ZNF236: variants seen among roughly 807,000 people sequenced by gnomAD.
ZNF236 encodes the protein regulated by glucose.
In ZNF236, 50 loss-of-function variants were observed where a neutral mutation model predicts 191.2. The observed-to-expected ratio is 0.26, with a 90% CI of 0.21 to 0.33. The LOEUF (loss-of-function observed/expected upper bound fraction) is 0.33, where lower values mean the gene tolerates loss of function less well. Among genes scored for constraint, ZNF236 ranks in the 10% least tolerant of loss-of-function variants. The probability of loss-of-function intolerance (pLI) is 1.00; values close to 1 mark genes in which losing one functional copy is unlikely to be tolerated. For missense variants in ZNF236, 1,754 were observed against 2,374.5 expected (o/e 0.74, Z 5.43); for synonymous variants, 907 against 928.8 (o/e 0.98, Z 0.43).
intron 10 of ZNF236, among the ~76,000 whole-genome samples, chr18:76,898,459 T>A (rs1477243694): frequency 6.6e-6 from 1 of 152,232 alleles, no homozygotes; most frequent in Non-Finnish European, 1.5e-5. Flanking sequence ...GGAATTTACA[T>A]TTTCATTTGC....
chr18:76,856,383 A>G (rs1427500370), intron 3 of ZNF236, among the ~76,000 whole-genome samples: 1 of 152,084 alleles, frequency 6.6e-6, no homozygotes, highest in African/African-American at 2.4e-5. Context: ...GGGCTTTGCC[A>G]TGTTGGCCAG....
intron 19 of ZNF236, among the ~76,000 whole-genome samples, chr18:76,916,864 A>T (rs1364449844): frequency 6.6e-6 from 1 of 152,146 alleles, no homozygotes; most frequent in Non-Finnish European, 1.5e-5. Flanking sequence ...GGGGACTGTC[A>T]TCGGAGGTCA....
At chr18:76,823,680 G>A (rs1804400892) in intron 1 of ZNF236, among the ~76,000 whole-genome samples, 2 of 152,366 alleles carry the variant, frequency 1.3e-5, no homozygotes, top group South Asian at 4.1e-4. Context: ...CACACAACCG[G>A]GCACCCCCAG....
chr18:76,896,050 C>G (rs1390075510), intron 10 of ZNF236, among the ~76,000 whole-genome samples: 1 of 151,850 alleles, frequency 6.6e-6, no homozygotes, highest in Non-Finnish European at 1.5e-5. Flanking sequence ...GTACTAAACT[C>G]AGTATCAAGC....
At position 76,919,106 on chromosome 18, in the gene ZNF236, T is replaced by A. The variant is rs1008268709; in HGVS notation, c.3275-670T>A. 7.9e-5 allele frequency among the ~76,000 whole-genome samples: 12 copies of A among 152,224 alleles called. No individual in the cohort carries two copies. Among genetic ancestry groups the A allele is most frequent in the Non-Finnish European group, 1.6e-4 (11 of 68,034 alleles). ...AAAAAATCTGATGGTAATTCATTTT[T>A]TGCCCTTATTAATAAATGAATATCT... is the stretch of plus-strand genomic sequence containing the variant. On this transcript the variant is annotated intron_variant, in intron 19 of 30. Transcript: ENST00000320610. This position sits in a 1 kb window ranked among gnomAD's most constrained non-coding sequence, Gnocchi z 5.3.
chr18:76,907,831 A>G (rs1375202639), intron 13 of ZNF236, among the ~76,000 whole-genome samples: 1 of 151,466 alleles, frequency 6.6e-6, no homozygotes, highest in Non-Finnish European at 1.5e-5. Flanking sequence ...CAACATTTGG[A>G]TCGTTGGTCC....
chr18:76,863,566 T>A (rs967839480), intron 3 of ZNF236, among the ~76,000 whole-genome samples: 4 of 152,064 alleles, frequency 2.6e-5, no homozygotes, highest in Non-Finnish European at 5.9e-5. Flanking sequence ...AAGAAAAGAA[T>A]TGTCAATTAC....
intron 17 of ZNF236, 129 bp downstream of exon 17, chr18:76,912,476 A>G (rs1967243356): frequency 3.4e-6 from 2 of 594,384 alleles, no homozygotes; most frequent in African/African-American, 1.9e-5. Flanking sequence ...TTCCATTGTC[A>G]TCCATATTCT....
Position 76,856,339 on chromosome 18 carries a change from C to T in ZNF236, c.363+4400C>T, listed in dbSNP as rs538179189. On this transcript the variant is annotated intron_variant, in intron 3 of 30. Coordinates refer to ENST00000320610, the MANE Select transcript of ZNF236 (RefSeq NM_001306089.2). ...CTGGAATTGTAGGCACCTGCCACCA[C>T]GCCTGGCTCATTTTTGTATTTTTAG... 8.5e-5 allele frequency among the ~76,000 whole-genome samples: 13 copies of T among 152,250 alleles called. No homozygotes were observed. The South Asian group carries it at 2.5e-3, about 29-fold the overall frequency.
At chr18:76,911,810 G>T (rs79943860) in intron 16 of ZNF236, among the ~76,000 whole-genome samples, 2,401 of 152,302 alleles carry the variant, frequency 0.016, 30 homozygotes, top group Middle Eastern at 0.02. Context: ...TGGGGTCAGT[G>T]TGACTGCCCT....
At position 76,908,451 on chromosome 18, in the gene ZNF236, C is replaced by T. The variant is rs754057667; in HGVS notation, c.2429C>T (p.Thr810Met). The T allele has an allele frequency of 2.4e-5, 38 of 1,613,944 alleles. No individual in the cohort carries two copies. Among genetic ancestry groups the T allele is most frequent in the African/African-American group, 9.3e-5 (7 of 74,876 alleles). ...ATCGAGAGCGACGAGCTGCCGCAGA[C>T]GGCAGAGGTGGTCGCAGCGAACCCC... ...VEIESDELPQ[T>M]AEVVAANPEA... is the part of the protein sequence containing the mutation. Residue 810 changes from threonine (T) to methionine (M), a missense_variant, in exon 14 of 31, where the codon ACG (threonine) becomes ATG (methionine). Physicochemically the swap from Thr to Met is moderately conservative, Grantham distance 81. Around this residue, in one of 5 missense-constraint regions of ZNF236, gnomAD observed 641 missense variants for 869.6 expected, o/e 0.74. Coordinates refer to ENST00000320610, the MANE Select transcript of ZNF236 (RefSeq NM_001306089.2).
At chr18:76,924,285 G>A (rs1393724766) in intron 21 of ZNF236, among the ~76,000 whole-genome samples, 1 of 152,226 alleles carries the variant, frequency 6.6e-6, no homozygotes, top group Non-Finnish European at 1.5e-5. Context: ...GCCCAGTGAC[G>A]TCCACGATGA....
At position 76,878,077 on chromosome 18, in the gene ZNF236, C is replaced by T. The variant is rs775664302; in HGVS notation, c.909C>T (p.Asn303=). 14 of 1,613,250 alleles carry T rather than the reference C, an allele frequency of 8.7e-6. No individual in the cohort carries two copies. In the East Asian group the frequency reaches 2.9e-4, roughly 33 times the overall value. Residue 303 remains asparagine (N), a synonymous_variant, in exon 7 of 31, where the codon AAC becomes AAT. Coordinates refer to ENST00000320610, the MANE Select transcript of ZNF236 (RefSeq NM_001306089.2). ...SCVFKSLGSL[N]THISKMHMGG... is the part of the protein sequence containing the mutation. The stretch of plus-strand genomic sequence containing the variant: ...TATTTAAAAGTTTAGGCAGCTTAAA[C>T]ACGCATATCAGCAAGATGCATATGG...
chr18:76,823,364 C>T (rs149068973), intron 1 of ZNF236, among the ~76,000 whole-genome samples: 2,797 of 151,962 alleles, frequency 0.018, 42 homozygotes, highest in Non-Finnish European at 0.028. Flanking sequence ...GTAGTGCATA[C>T]AGTAGGCGCC....
chr18:76,950,374 C>T (rs188769547), intron 27 of ZNF236, among the ~76,000 whole-genome samples: 11 of 152,270 alleles, frequency 7.2e-5, no homozygotes, highest in Admixed American at 4.6e-4. Context: ...GAGTAGATTC[C>T]GTCTCAAGTA....
rs376515893 is a variant in ZNF236 at position 76,899,901 on chromosome 18, T to C, written c.1894+679T>C. On this transcript the variant is annotated intron_variant, in intron 11 of 30. Transcript: ENST00000320610. ...TCTCACAGTTCTAGAGGCTGGGAAG[T>C]CCAAGATCATGGTGCTGGCAGATTG... Among the ~76,000 whole-genome samples, 9 of 152,170 alleles carry C rather than the reference T, an allele frequency of 5.9e-5. No homozygotes were observed. The East Asian group carries it at 1.5e-3, about 26-fold the overall frequency.
chr18:76,927,369 C>T lies in ZNF236; in HGVS notation c.4266C>T (p.Ser1422=). 6.2e-7 allele frequency: 1 copy of T among 1,614,216 alleles called. No individual in the cohort carries two copies. The highest frequency in any genetic ancestry group is 8.5e-7 in the Non-Finnish European group (1 of 1,180,034). ...TGEPGLAPQN[S]SLQTSDSTVP... ...AGCCTGGCCTGGCCCCACAGAACAG[C>T]TCTCTCCAGACATCGGACAGCACGG... The change falls in exon 24 of 31, where the codon AGC becomes AGT. Residue 1422 remains serine (S), a synonymous_variant. Transcript: ENST00000320610. The surrounding 1 kb of genome is among the most constrained non-coding windows in gnomAD (Gnocchi z 5.4).
chr18:76,911,176 T>C (rs927280987), intron 16 of ZNF236, among the ~76,000 whole-genome samples: 1 of 152,374 alleles, frequency 6.6e-6, no homozygotes, highest in Admixed American at 6.5e-5. Flanking sequence ...AAGGAAAATA[T>C]AATGAATGCT....
intron 25 of ZNF236, among the ~76,000 whole-genome samples, chr18:76,935,316 G>C (rs1462072169): frequency 6.6e-6 from 1 of 152,192 alleles, no homozygotes; most frequent in Non-Finnish European, 1.5e-5. Context: ...AAGGTTCACT[G>C]TTTGAGTTGA....
Sources: gnomAD v4.1 joint callset for allele counts (sites outside exome capture counted in the v4.1 genomes callset) on GRCh38, gnomAD v4.1.1 for gene constraint, gnomAD v4.1.1 regional missense constraint, Gnocchi (gnomAD v3.1) non-coding constraint, MANE v1.5 for transcripts, NCBI Gene and HGNC (gene_info 2026-07-23, HGNC 2026-07-21) for gene names.